Variants in LDB2 observed in about 807,000 individuals in gnomAD.
LDB2 encodes the protein LIM domain binding 2.
Under a neutral mutation model 44.3 loss-of-function variants are expected in LDB2, and 12 were observed. That is an observed-to-expected ratio of 0.27 (90% CI 0.17 to 0.44). The LOEUF (loss-of-function observed/expected upper bound fraction) is 0.44, where lower values mean the gene tolerates loss of function less well. Ranked by LOEUF, LDB2 falls within the 20% of genes least tolerant of loss-of-function variation. The pLI, the probability that LDB2 is intolerant of heterozygous loss-of-function variation, is 1.00. For synonymous variants in LDB2, 164 were observed against 174.8 expected, an observed-to-expected ratio of 0.94 and a Z score of 0.49; for missense variants, 344 against 473.5, an observed-to-expected ratio of 0.73 and a Z score of 2.54.
chr4:16,653,194 T>A (rs1204355130), intron 2 of LDB2, among the ~76,000 whole-genome samples: 2 of 152,138 alleles, frequency 1.3e-5, no homozygotes, highest in Non-Finnish European at 1.5e-5. Flanking sequence ...GAGAACTAAG[T>A]CGCATCAGCT....
At chr4:16,761,611 TAAC>T (rs1205256866) in intron 1 of LDB2, among the ~76,000 whole-genome samples, 2 of 152,130 alleles carry the variant, frequency 1.3e-5, no homozygotes, top group African/African-American at 2.4e-5. Context: ...AGGATAACAA[TAAC>T]AACAACAATA....
chr4:16,867,800 A>G (rs890064447), intron 1 of LDB2, among the ~76,000 whole-genome samples: 7 of 152,192 alleles, frequency 4.6e-5, no homozygotes, highest in African/African-American at 1.7e-4. Context: ...AATGAAGTCC[A>G]AGGGTGAAAA....
At chr4:16,806,979 T>G (rs1476940915) in intron 1 of LDB2, among the ~76,000 whole-genome samples, 1 of 152,356 alleles carries the variant, frequency 6.6e-6, no homozygotes, top group African/African-American at 2.4e-5. Flanking sequence ...ATTAGTAGTA[T>G]TTTTGCGTTT....
chr4:16,682,271 A>G (rs1433499142), intron 2 of LDB2, among the ~76,000 whole-genome samples: 12 of 150,626 alleles, frequency 8.0e-5, no homozygotes, highest in Admixed American at 7.5e-4. Context: ...CCCAATTTAG[A>G]TTCTGTCAGC....
intron 1 of LDB2, among the ~76,000 whole-genome samples, chr4:16,781,158 G>C (rs536483112): frequency 5.8e-4 from 88 of 152,308 alleles, no homozygotes; most frequent in African/African-American, 2.1e-3. Context: ...TTGGAGGGAA[G>C]CCTCAGAAGA....
chr4:16,879,081 T>C lies in LDB2; in HGVS notation c.132+19273A>G, dbSNP rs531054088. Among the ~76,000 whole-genome samples the C allele has an allele frequency of 7.9e-5, 12 of 152,332 alleles. No homozygotes were observed. The South Asian group carries it at 2.5e-3, about 32-fold the overall frequency. ...ATTTCCTGCAAGAAATGCCAATGTC[T>C]GTTTTTATGCGGTATTGTATGCTAA... On this transcript the variant is annotated intron_variant, in intron 1 of 7. Coordinates refer to ENST00000304523, the MANE Select transcript of LDB2 (RefSeq NM_001290.5).
At chr4:16,695,639 T>G (rs1362944291) in intron 2 of LDB2, among the ~76,000 whole-genome samples, 1 of 152,128 alleles carries the variant, frequency 6.6e-6, no homozygotes, top group Non-Finnish European at 1.5e-5. Context: ...ACTAAATATT[T>G]TAGAGTCTGT....
At chr4:16,881,602 CT>C (rs34180998) in intron 1 of LDB2, among the ~76,000 whole-genome samples, 178 of 133,126 alleles carry the variant, frequency 1.3e-3, no homozygotes, top group Non-Finnish European at 2.1e-3. Flanking sequence ...GAATTTGGGC[CT>C]TTTTTTTTTT....
At chr4:16,779,299 T>A (rs893047262) in intron 1 of LDB2, among the ~76,000 whole-genome samples, 2 of 152,234 alleles carry the variant, frequency 1.3e-5, no homozygotes, top group Non-Finnish European at 2.9e-5. Context: ...GAAATTGCCC[T>A]CATTTAAGAA....
At chr4:16,640,100 C>T (rs1734720333) in intron 2 of LDB2, among the ~76,000 whole-genome samples, 1 of 152,232 alleles carries the variant, frequency 6.6e-6, no homozygotes, top group African/African-American at 2.4e-5. Flanking sequence ...ATGTTTGAAG[C>T]ACCCTAGCTT....
intron 2 of LDB2, among the ~76,000 whole-genome samples, chr4:16,672,215 C>T (rs1053222989): frequency 6.6e-6 from 1 of 152,216 alleles, no homozygotes; most frequent in Non-Finnish European, 1.5e-5. Context: ...AACCAACTCA[C>T]TGAAGGTCAC....
rs145082268 is a variant in LDB2, at chr4:16,538,415, CA to C, written c.616-26312del. On this transcript the variant is annotated intron_variant, in intron 5 of 7. Transcript: ENST00000304523. ...AAAGGAATCAGAAAAGTCCAACAAG[CA>C]AAAAAACAAAAACAAAAACAAAACA... is the stretch of plus-strand genomic sequence containing the variant. Among the ~76,000 whole-genome samples, 40 of 149,994 alleles carry C rather than the reference CA, an allele frequency of 2.7e-4. 1 individual carries two copies. Among genetic ancestry groups the C allele is most frequent in the South Asian group, 8.3e-4 (4 of 4,792 alleles).
At chr4:16,522,082 G>A (rs1270298517) in intron 5 of LDB2, among the ~76,000 whole-genome samples, 2 of 152,070 alleles carry the variant, frequency 1.3e-5, no homozygotes, top group African/African-American at 2.4e-5. Context: ...CTAACTAGTG[G>A]GGTAACTAGC....
chr4:16,608,838 C>A (rs996950642), intron 2 of LDB2, among the ~76,000 whole-genome samples: 1 of 152,158 alleles, frequency 6.6e-6, no homozygotes, highest in Non-Finnish European at 1.5e-5. Flanking sequence ...ATCTGCTGGA[C>A]CACACGAGTC....
intron 5 of LDB2, among the ~76,000 whole-genome samples, chr4:16,547,342 C>T (rs904673886): frequency 6.6e-6 from 1 of 152,126 alleles, no homozygotes; most frequent in Non-Finnish European, 1.5e-5. Context: ...TTTTGGCCTC[C>T]AGAACTTTGC....
At chr4:16,529,214 T>C (rs772028730) in intron 5 of LDB2, among the ~76,000 whole-genome samples, 102 of 152,158 alleles carry the variant, frequency 6.7e-4, no homozygotes, top group Non-Finnish European at 1.3e-3. Context: ...TTTGTCCTCC[T>C]TGAACTTGGG....
chr4:16,539,356 G>C (rs149750985), intron 5 of LDB2, among the ~76,000 whole-genome samples: 4 of 152,146 alleles, frequency 2.6e-5, no homozygotes, highest in African/African-American at 9.7e-5. Context: ...CAAAAATTCA[G>C]CAAGTTTGGA....
intron 1 of LDB2, among the ~76,000 whole-genome samples, chr4:16,829,630 C>T (rs957393710): frequency 6.6e-6 from 1 of 151,964 alleles, no homozygotes; most frequent in Non-Finnish European, 1.5e-5. Flanking sequence ...ATGAAATTAC[C>T]GTAGTAATAT....
intron 2 of LDB2, among the ~76,000 whole-genome samples, chr4:16,636,298 G>A (rs1733579149): frequency 6.6e-6 from 1 of 152,146 alleles, no homozygotes; most frequent in South Asian, 2.1e-4. Context: ...ACAAATGTGT[G>A]GAAAAAAAGC....
Sources: gnomAD v4.1 joint callset for allele counts (sites outside exome capture counted in the v4.1 genomes callset) on GRCh38, gnomAD v4.1.1 for gene constraint, MANE v1.5 for transcripts, NCBI Gene and HGNC (gene_info 2026-07-23, HGNC 2026-07-21) for gene names.